Variants in MYH9 observed in about 807,000 individuals in gnomAD.
MYH9 encodes the protein myosin heavy chain 9.
Under a neutral mutation model 241.9 loss-of-function variants are expected in MYH9, and 29 were observed. The observed-to-expected ratio is 0.12, with a 90% CI of 0.09 to 0.16. The LOEUF (loss-of-function observed/expected upper bound fraction) is 0.16. MYH9 is among the 10% of genes least tolerant of loss of function. The pLI is 1.00. For synonymous variants in MYH9, 1,047 were observed against 1,062.6 expected (o/e 0.99, Z 0.29); for missense variants, 1,803 against 2,595.5 (o/e 0.69, Z 6.63).
At chr22:36,316,488 C>G (rs775942298) in intron 12 of MYH9, 29 bp downstream of exon 12, 3 of 1,613,918 alleles carry the variant, frequency 1.9e-6, no homozygotes, top group Non-Finnish European at 2.5e-6. Flanking sequence ...AAGGAGGCAG[C>G]AGGGTGGGTA....
intron 2 of MYH9, among the ~76,000 whole-genome samples, chr22:36,343,793 C>A (rs1007507131): frequency 6.6e-6 from 1 of 152,166 alleles, no homozygotes; most frequent in Admixed American, 6.5e-5. Context: ...TCTGGTTTTT[C>A]CTCTGCGTGA....
At position 36,285,062 on chromosome 22, in the gene MYH9, C is replaced by G; in HGVS notation, c.5483+59G>C. On this transcript the variant is annotated intron_variant, in intron 38 of 40. Coordinates refer to ENST00000216181, the MANE Select transcript of MYH9 (RefSeq NM_002473.6). The surrounding 1 kb of genome is among the most constrained non-coding windows in gnomAD (Gnocchi z 7.0). ...TGTGGCCCAGATTTGGGCAGGACTG[C>G]AGGGGGGCCAGAGTTTTTTCCAGGA... The G allele has an allele frequency of 6.5e-7, 1 of 1,534,468 alleles. No homozygotes were observed. Among genetic ancestry groups the G allele is most frequent in the Non-Finnish European group, 9.0e-7 (1 of 1,117,124 alleles).
Position 36,281,762 on chromosome 22 carries a change from C to A in MYH9, c.*906G>T, listed in dbSNP as rs192511111. The stretch of plus-strand genomic sequence containing the variant: ...ATACTGAGTCAACGGTGCAGGTAAA[C>A]CACCCTCGGGCCCAGTCCTAGAGTA... On this transcript the variant is annotated 3_prime_UTR_variant, in exon 41 of 41. Transcript: ENST00000216181. 3.9e-4 allele frequency: 90 copies of A among 231,390 alleles called. No individual in the cohort carries two copies. The East Asian group carries it at 4.8e-3, about 12-fold the overall frequency. The allele number at this position is 231,390 out of a possible 1,614,324, so 14.3% of individuals were successfully genotyped here. A position where few individuals can be genotyped will look rare whatever the true frequency, so the allele number is the denominator to read the frequency against.
chr22:36,381,232 T>C (rs922132406), intron 1 of MYH9, among the ~76,000 whole-genome samples: 2 of 152,140 alleles, frequency 1.3e-5, no homozygotes, highest in African/African-American at 4.8e-5. Context: ...AGGGACAATA[T>C]GGCCGGGCAC....
chr22:36,324,188 C>T (rs1023193405), intron 5 of MYH9, among the ~76,000 whole-genome samples: 4 of 152,240 alleles, frequency 2.6e-5, no homozygotes, highest in East Asian at 1.9e-4. Context: ...AGTGGGGCCG[C>T]GGGGCCAAGT....
At chr22:36,346,489 G>C (rs2017680186) in intron 2 of MYH9, among the ~76,000 whole-genome samples, 1 of 152,212 alleles carries the variant, frequency 6.6e-6, no homozygotes, top group African/African-American at 2.4e-5. Flanking sequence ...TGCTGTCTCT[G>C]TAACAGAATG....
chr22:36,320,405 A>C lies in MYH9; in HGVS notation c.869-42T>G. The C allele has an allele frequency of 6.2e-7, 1 of 1,607,458 alleles. No homozygotes were observed. On this transcript the variant is annotated intron_variant, in intron 8 of 40. Coordinates refer to ENST00000216181, the MANE Select transcript of MYH9 (RefSeq NM_002473.6). The surrounding 1 kb of genome is among the most constrained non-coding windows in gnomAD (Gnocchi z 4.8). ...GCAAGGGCGCCTCAGCGAGGTGCTG[A>C]AAGTGGAGGCTCCATCAGCGCTGTG...
rs1445623477 is a variant in MYH9, at chr22:36,330,664, G to A, written c.491-3176C>T. Among the ~76,000 whole-genome samples the A allele has an allele frequency of 6.6e-6, 1 of 151,964 alleles. No individual in the cohort carries two copies. The highest frequency in any genetic ancestry group is 1.5e-5 in the Non-Finnish European group (1 of 67,980). ...TGCATTCTAGTGGAGACTGCCATTG[G>A]CGCCCACCCCATCAACCCTTCCCCG... On this transcript the variant is annotated intron_variant, in intron 3 of 40. Coordinates refer to ENST00000216181, the MANE Select transcript of MYH9 (RefSeq NM_002473.6). The surrounding 1 kb of genome is among the most constrained non-coding windows in gnomAD (Gnocchi z 4.5).
chr22:36,289,498 A>G (rs1197999960), intron 31 of MYH9, among the ~76,000 whole-genome samples: 1 of 152,256 alleles, frequency 6.6e-6, no homozygotes, highest in Non-Finnish European at 1.5e-5. Flanking sequence ...TGCCGACTGG[A>G]GCAGGCACTA....
chr22:36,360,839 C>T (rs186566954), intron 1 of MYH9, among the ~76,000 whole-genome samples: 5 of 152,336 alleles, frequency 3.3e-5, no homozygotes, highest in Admixed American at 3.3e-4. Context: ...GGGCACAAAG[C>T]CTGTGGCAGA....
chr22:36,356,256 A>G (rs1603484201), intron 1 of MYH9, among the ~76,000 whole-genome samples: 1 of 152,170 alleles, frequency 6.6e-6, no homozygotes, highest in East Asian at 1.9e-4. Context: ...GTTAAATAAA[A>G]CTATCGAAGT....
chr22:36,363,643 C>T (rs1005937211), intron 1 of MYH9, among the ~76,000 whole-genome samples: 1 of 152,224 alleles, frequency 6.6e-6, no homozygotes, highest in Non-Finnish European at 1.5e-5. Context: ...ACACCTGCGC[C>T]TTACCTACTC....
At chr22:36,377,566 C>T (rs1013794222) in intron 1 of MYH9, among the ~76,000 whole-genome samples, 3 of 152,148 alleles carry the variant, frequency 2.0e-5, no homozygotes, top group Non-Finnish European at 4.4e-5. Flanking sequence ...TCTTAATCAC[C>T]GCACCTTGTT....
intron 5 of MYH9, among the ~76,000 whole-genome samples, chr22:36,325,550 C>T (rs2017322405): frequency 6.6e-6 from 1 of 152,234 alleles, no homozygotes; most frequent in African/African-American, 2.4e-5. Context: ...TCACCCCAAC[C>T]TCTGAAAAAC....
chr22:36,365,532 T>A (rs1008388619), intron 1 of MYH9, among the ~76,000 whole-genome samples: 1 of 152,110 alleles, frequency 6.6e-6, no homozygotes, highest in African/African-American at 2.4e-5. Context: ...AGTGGCACAA[T>A]CTTGGCTCGC....
At position 36,305,144 on chromosome 22, in the gene MYH9, T is replaced by G. The variant is rs769757376; in HGVS notation, c.2160-42A>C. ...AAGCCTGGTCATTTTACCCATTGCC[T>G]CGATTCCACATGCCTGGAATATAGG... On this transcript the variant is annotated intron_variant, in intron 17 of 40. Transcript: ENST00000216181. This position sits in a 1 kb window ranked among gnomAD's most constrained non-coding sequence, Gnocchi z 4.7. 1 of 1,509,660 alleles carries G rather than the reference T, an allele frequency of 6.6e-7. No individual in the cohort carries two copies. The highest frequency in any genetic ancestry group is 2.3e-5 in the East Asian group (1 of 44,366). The allele number at this position is 1,509,660 out of a possible 1,614,324, so 93.5% of individuals were successfully genotyped here.
intron 35 of MYH9, 67 bp from the exon 36 acceptor site, chr22:36,286,020 C>T: frequency 6.4e-7 from 1 of 1,566,086 alleles, no homozygotes; most frequent in Non-Finnish European, 8.7e-7. Flanking sequence ...CTTCCCAGCC[C>T]CAGGCACCCT....
chr22:36,382,804 A>C (rs1603484756), intron 1 of MYH9, among the ~76,000 whole-genome samples: 1 of 150,496 alleles, frequency 6.6e-6, no homozygotes, highest in Non-Finnish European at 1.5e-5. Flanking sequence ...CCCCATCTCA[A>C]ATAAAGAAAT....
At chr22:36,373,441 T>A (rs1603484560) in intron 1 of MYH9, among the ~76,000 whole-genome samples, 1 of 152,294 alleles carries the variant, frequency 6.6e-6, no homozygotes, top group African/African-American at 2.4e-5. Flanking sequence ...GGTGAACAGG[T>A]TGAAGAGCTT....
Sources: gnomAD v4.1 joint callset for allele counts (sites outside exome capture counted in the v4.1 genomes callset) on GRCh38, gnomAD v4.1.1 for gene constraint, Gnocchi (gnomAD v3.1) non-coding constraint, MANE v1.5 for transcripts, NCBI Gene and HGNC (gene_info 2026-07-23, HGNC 2026-07-21) for gene names.